SUPT3H: variants seen among roughly 807,000 people sequenced by gnomAD.
SUPT3H encodes SPT3 homolog, SAGA and STAGA complex component, also known as transcription initiation protein SPT3 homolog.
Under a neutral mutation model 44.3 loss-of-function variants are expected in SUPT3H, and 44 were observed. The ratio of observed to expected loss-of-function variants is 0.99; its 90% CI spans 0.78 to 1.28. The LOEUF (loss-of-function observed/expected upper bound fraction) is 1.28. Among genes scored for constraint, SUPT3H ranks in the 50% most tolerant of loss-of-function variants. The pLI, the probability that SUPT3H is intolerant of heterozygous loss-of-function variation, is 0.00. For synonymous variants in SUPT3H, 124 were observed against 125.6 expected (o/e 0.99, Z 0.09); for missense variants, 380 against 387.1 (o/e 0.98, Z 0.15).
chr6:45,129,347 T>C (rs1163554334), intron 2 of SUPT3H, among the ~76,000 whole-genome samples: 14 of 152,240 alleles, frequency 9.2e-5, no homozygotes, highest in Admixed American at 6.5e-5. Context: ...TTTGGCAGTC[T>C]GGACAATGGT....
intron 2 of SUPT3H, among the ~76,000 whole-genome samples, chr6:45,342,020 G>A (rs1190269563): frequency 6.6e-6 from 1 of 151,922 alleles, no homozygotes; most frequent in Non-Finnish European, 1.5e-5. Context: ...ACGGAGACTG[G>A]ACTGAAAAAT....
chr6:45,356,647 T>C (rs1793249942), intron 2 of SUPT3H, among the ~76,000 whole-genome samples: 1 of 152,062 alleles, frequency 6.6e-6, no homozygotes, highest in South Asian at 2.1e-4. Context: ...TCAAGTGATC[T>C]GCCCACCTCA....
At chr6:45,368,964 ATGTGAAAAAT>A (rs1795596039) in intron 1 of SUPT3H, among the ~76,000 whole-genome samples, 1 of 151,812 alleles carries the variant, frequency 6.6e-6, no homozygotes, top group Admixed American at 6.6e-5. Context: ...ATTTCTTCTG[ATGTGAAAAAT>A]AATACCAAAT....
At chr6:45,377,080 G>C (rs148155833) in intron 1 of SUPT3H, among the ~76,000 whole-genome samples, 1 of 147,068 alleles carries the variant, frequency 6.8e-6, no homozygotes, top group Non-Finnish European at 1.5e-5. Flanking sequence ...CAAGTGTCCT[G>C]ATTCTCTGAG....
At chr6:44,885,727 A>G (rs972910401) in intron 10 of SUPT3H, among the ~76,000 whole-genome samples, 11 of 152,354 alleles carry the variant, frequency 7.2e-5, no homozygotes, top group Non-Finnish European at 1.0e-4. Flanking sequence ...CTCCAAAGGA[A>G]CACAGTTCCT....
chr6:45,103,000 G>A (rs1025403121), intron 3 of SUPT3H, among the ~76,000 whole-genome samples: 3 of 151,670 alleles, frequency 2.0e-5, no homozygotes, highest in Non-Finnish European at 4.4e-5. Context: ...ATCTTAATAG[G>A]CAAATGGATA....
intron 2 of SUPT3H, among the ~76,000 whole-genome samples, chr6:45,280,340 A>G (rs947521600): frequency 6.6e-6 from 1 of 152,056 alleles, no homozygotes; most frequent in African/African-American, 2.4e-5. Flanking sequence ...TGTCTCTACT[A>G]AAAATACAAA....
At chr6:45,173,704 T>A (rs11965706) in intron 2 of SUPT3H, among the ~76,000 whole-genome samples, 33,327 of 152,108 alleles carry the variant, frequency 0.22, 4,469 homozygotes, top group Non-Finnish European at 0.31. Flanking sequence ...GGAGAACTTA[T>A]CAGCATAGAG....
chr6:45,231,126 T>C (rs1197922235), intron 2 of SUPT3H, among the ~76,000 whole-genome samples: 1 of 152,186 alleles, frequency 6.6e-6, no homozygotes, highest in Non-Finnish European at 1.5e-5. Context: ...GTTTGCTGAT[T>C]TTCTGTGGTG....
rs570742755 is a variant in SUPT3H, at chr6:44,901,322, C to A, written c.912+31331G>T. Among the ~76,000 whole-genome samples, 4 of 152,170 alleles carry A rather than the reference C, an allele frequency of 2.6e-5. No individual in the cohort carries two copies. In the South Asian group the frequency reaches 8.3e-4, roughly 32 times the overall value. ...ACTAGAATAACCAACGCAGAGAAGTCCTAAAAGGACCTGATGGAGCTGAAA... is the reference window on the plus strand; with the variant it reads ...ACTAGAATAACCAACGCAGAGAAGTACTAAAAGGACCTGATGGAGCTGAAA... On this transcript the variant is annotated intron_variant, in intron 10 of 10. Transcript: ENST00000371459.
chr6:45,308,940 C>T (rs1251914283), intron 2 of SUPT3H, among the ~76,000 whole-genome samples: 1 of 141,670 alleles, frequency 7.1e-6, no homozygotes, highest in Non-Finnish European at 1.5e-5. Context: ...TATGATAGCA[C>T]TGTTTATGCC....
At chr6:45,186,559 G>T (rs1287276550) in intron 2 of SUPT3H, among the ~76,000 whole-genome samples, 1 of 152,162 alleles carries the variant, frequency 6.6e-6, no homozygotes, top group Admixed American at 6.5e-5. Context: ...TCCAGGCTCA[G>T]ATAGTTTCAC....
intron 2 of SUPT3H, among the ~76,000 whole-genome samples, chr6:45,226,171 G>A (rs761937820): frequency 6.6e-6 from 1 of 152,084 alleles, no homozygotes; most frequent in Non-Finnish European, 1.5e-5. Flanking sequence ...TGAAGTCCAG[G>A]AAATGGTGAT....
chr6:44,974,411 G>A (rs1488293461), intron 6 of SUPT3H, among the ~76,000 whole-genome samples: 1 of 151,828 alleles, frequency 6.6e-6, no homozygotes, highest in Non-Finnish European at 1.5e-5. Flanking sequence ...TAGAGGTGAG[G>A]GAAGAAGACT....
At chr6:45,065,054 T>G (rs1420585267) in intron 3 of SUPT3H, among the ~76,000 whole-genome samples, 1 of 150,828 alleles carries the variant, frequency 6.6e-6, no homozygotes, top group African/African-American at 2.4e-5. Context: ...GACCACATAC[T>G]GGGAAGTAAA....
chr6:45,316,408 T>C (rs1037924330), intron 2 of SUPT3H, among the ~76,000 whole-genome samples: 1 of 21,712 alleles, frequency 4.6e-5, no homozygotes, highest in African/African-American at 2.0e-4. Context: ...ATAACTCCTA[T>C]AAAAAGCAAA....
intron 2 of SUPT3H, among the ~76,000 whole-genome samples, chr6:45,256,674 G>A (rs902542069): frequency 6.6e-6 from 1 of 151,590 alleles, no homozygotes; most frequent in South Asian, 2.1e-4. Flanking sequence ...CCCAATTATA[G>A]ACTTTTATAG....
intron 2 of SUPT3H, among the ~76,000 whole-genome samples, chr6:45,284,699 A>T (rs1778879044): frequency 6.6e-6 from 1 of 152,242 alleles, no homozygotes; most frequent in East Asian, 1.9e-4. Flanking sequence ...TTCTGAAACT[A>T]TTCCAATCAA....
chr6:45,302,514 A>AATATATATAT (rs10524207), intron 2 of SUPT3H, among the ~76,000 whole-genome samples: 158 of 105,328 alleles, frequency 1.5e-3, no homozygotes, highest in Non-Finnish European at 2.5e-3. Flanking sequence ...GTATCTCAGG[A>AATATATATAT]ATATATATAT....
Sources: gnomAD v4.1 joint callset for allele counts (sites outside exome capture counted in the v4.1 genomes callset) on GRCh38, gnomAD v4.1.1 for gene constraint, MANE v1.5 for transcripts, NCBI Gene and HGNC (gene_info 2026-07-23, HGNC 2026-07-21) for gene names.